The following KIZ variants were observed in gnomAD, a reference collection of about 807,000 sequenced individuals.
KIZ encodes the protein centrosomal protein kizuna.
KIZ carries 68 observed loss-of-function variants against 79.6 expected under a neutral mutation model. The ratio of observed to expected loss-of-function variants is 0.85; its 90% CI spans 0.70 to 1.05. The LOEUF is 1.05. Among genes scored for constraint, KIZ ranks in the 50% least tolerant of loss-of-function variants. KIZ has a pLI of 0.00. For synonymous variants in KIZ, 280 were observed against 281.8 expected, an observed-to-expected ratio of 0.99 and a Z score of 0.06; for missense variants, 797 against 800.4, an observed-to-expected ratio of 1.00 and a Z score of 0.05.
intron 3 of KIZ, among the ~76,000 whole-genome samples, chr20:21,145,153 A>C (rs568823184): frequency 8.4e-6 from 1 of 119,738 alleles, no homozygotes; most frequent in Non-Finnish European, 1.7e-5. Context: ...ATAAGAAATC[A>C]GTAGGATTGA....
intron 3 of KIZ, among the ~76,000 whole-genome samples, chr20:21,138,507 G>A (rs1213555038): frequency 6.6e-6 from 1 of 152,160 alleles, no homozygotes; most frequent in East Asian, 1.9e-4. Flanking sequence ...ACTGAAGACT[G>A]TATTTTTAAT....
chr20:21,219,604 C>T (rs2036434798), intron 9 of KIZ, among the ~76,000 whole-genome samples: 1 of 152,182 alleles, frequency 6.6e-6, no homozygotes, highest in South Asian at 2.1e-4. Context: ...AGGCATGAGC[C>T]ACCTTGCCTG....
At chr20:21,205,606 A>C (rs766535113) in intron 7 of KIZ, 22 bp downstream of exon 7, 16 of 1,021,544 alleles carry the variant, frequency 1.6e-5, no homozygotes, top group Admixed American at 2.1e-5. Context: ...AACTGTCTGA[A>C]GTTTTCCCAA....
At chr20:21,223,970 A>C (rs1382483063) in intron 9 of KIZ, among the ~76,000 whole-genome samples, 1 of 149,458 alleles carries the variant, frequency 6.7e-6, no homozygotes, top group African/African-American at 2.5e-5. Flanking sequence ...GAGCCACTGC[A>C]CCCGGCCTTA....
chr20:21,148,731 C>A (rs1366113957), intron 4 of KIZ: 1 of 152,124 alleles, frequency 6.6e-6, no homozygotes, highest in Non-Finnish European at 1.5e-5. Flanking sequence ...TGACAGTATA[C>A]ATTTGGGGAT....
chr20:21,158,861 A>G (rs2033514333), intron 4 of KIZ: 1 of 151,432 alleles, frequency 6.6e-6, no homozygotes, highest in African/African-American at 2.4e-5. Flanking sequence ...TGGTGCGATC[A>G]TAGCTCACTG....
chr20:21,190,767 A>G lies in KIZ; in HGVS notation c.1353-14724A>G, dbSNP rs549019698. Among the ~76,000 whole-genome samples, 15 of 152,376 alleles carry G rather than the reference A, an allele frequency of 9.8e-5. No homozygotes were observed. The South Asian group carries it at 2.1e-3, about 21-fold the overall frequency. ...TTTCCTTGGGAATTATATGCAAAACAAAAAACAGAACGTGATAGTTTTAAA... is the reference window on the plus strand; with the variant it reads ...TTTCCTTGGGAATTATATGCAAAACGAAAAACAGAACGTGATAGTTTTAAA... On this transcript the variant is annotated intron_variant, in intron 6 of 12. Coordinates refer to ENST00000619189, the MANE Select transcript of KIZ (RefSeq NM_018474.6).
In KIZ at chr20:21,199,722, TCAC is replaced by T. The variant is rs2035510320; in HGVS notation, c.1353-5767_1353-5765del. Among the ~76,000 whole-genome samples, 6 of 152,358 alleles carry T rather than the reference TCAC, an allele frequency of 3.9e-5. No individual in the cohort carries two copies. The South Asian group carries it at 1.2e-3, about 32-fold the overall frequency. On this transcript the variant is annotated intron_variant, in intron 6 of 12. Coordinates refer to ENST00000619189, the MANE Select transcript of KIZ (RefSeq NM_018474.6). ...AATAGACCTATCTGCTTTGTGATCA[TCAC>T]CTGGCCAGTTTGATCAACCATTGCA...
chr20:21,195,299 A>G (rs2035291402), intron 6 of KIZ: 1 of 152,256 alleles, frequency 6.6e-6, no homozygotes, highest in Non-Finnish European at 1.5e-5. Flanking sequence ...TAGTGAGGGG[A>G]TGTCGGAGGA....
At chr20:21,169,390 C>T (rs1361686547) in intron 6 of KIZ, among the ~76,000 whole-genome samples, 2 of 152,072 alleles carry the variant, frequency 1.3e-5, no homozygotes, top group Non-Finnish European at 2.9e-5. Context: ...TACCATCTCA[C>T]ACCAGTTAGA....
chr20:21,145,532 T>C, intron 3 of KIZ, 33 bp from the exon 4 acceptor site: 1 of 1,090,602 alleles, frequency 9.2e-7, no homozygotes. Flanking sequence ...TGTAAAAATA[T>C]TTATCACAAA....
intron 2 of KIZ, among the ~76,000 whole-genome samples, chr20:21,132,770 C>G (rs1206871604): frequency 1.3e-5 from 2 of 152,040 alleles, no homozygotes. Flanking sequence ...TAAGACATAG[C>G]CTTATCTTTT....
At chr20:21,130,162 A>G (rs1354832599) in intron 1 of KIZ, among the ~76,000 whole-genome samples, 1 of 152,052 alleles carries the variant, frequency 6.6e-6, no homozygotes, top group Non-Finnish European at 1.5e-5. Flanking sequence ...TTTGGCTGGC[A>G]TGTCTCTTCA....
At chr20:21,242,698 T>G (rs368844706) in intron 11 of KIZ, among the ~76,000 whole-genome samples, 135 of 152,242 alleles carry the variant, frequency 8.9e-4, no homozygotes, top group African/African-American at 3.0e-3. Context: ...TGAGCTCACC[T>G]GCCACTGTGT....
chr20:21,173,376 A>G (rs2034298213), intron 6 of KIZ, among the ~76,000 whole-genome samples: 1 of 151,706 alleles, frequency 6.6e-6, no homozygotes, highest in African/African-American at 2.4e-5. Context: ...TCAGGAGTTC[A>G]AGACCAGCCT....
At chr20:21,208,473 G>A (rs561878568) in intron 7 of KIZ, among the ~76,000 whole-genome samples, 85 of 152,310 alleles carry the variant, frequency 5.6e-4, no homozygotes, top group Non-Finnish European at 9.8e-4. Context: ...GGAGGCCGAG[G>A]TGGGCGGATC....
At chr20:21,217,226 C>A (rs2036328794) in intron 9 of KIZ, among the ~76,000 whole-genome samples, 1 of 152,210 alleles carries the variant, frequency 6.6e-6, no homozygotes, top group African/African-American at 2.4e-5. Context: ...TATCCCCACC[C>A]AGGGACCTCC....
At chr20:21,220,427 T>C (rs57890548) in intron 9 of KIZ, among the ~76,000 whole-genome samples, 7,435 of 152,152 alleles carry the variant, frequency 0.049, 573 homozygotes, top group African/African-American at 0.16. Flanking sequence ...GGATTTGGGC[T>C]CTTGAACTCC....
chr20:21,242,163 C>T (rs1382590101), intron 11 of KIZ, among the ~76,000 whole-genome samples: 3 of 152,124 alleles, frequency 2.0e-5, no homozygotes, highest in Admixed American at 6.5e-5. Context: ...AGGACTGGCA[C>T]GTCAGTTGGC....
Sources: allele counts gnomAD v4.1 joint callset (sites outside exome capture counted in the v4.1 genomes callset), GRCh38; gene constraint gnomAD v4.1.1; transcripts MANE v1.5; gene names NCBI Gene and HGNC (gene_info 2026-07-23, HGNC 2026-07-21).